The following ATP8B1 variants were observed in gnomAD, a reference collection of about 807,000 sequenced individuals.
The protein encoded by ATP8B1 is ATPase phospholipid transporting 8B1.
Under a neutral mutation model 149.9 loss-of-function variants are expected in ATP8B1, and 80 were observed. That is an observed-to-expected ratio of 0.53 (90% CI 0.45 to 0.64). The LOEUF is 0.64. Ranked by LOEUF, ATP8B1 falls within the 30% of genes least tolerant of loss-of-function variation. The probability of loss-of-function intolerance (pLI) is 0.00; values close to 1 mark genes in which losing one functional copy is unlikely to be tolerated. For missense variants in ATP8B1, 1,247 were observed against 1,552.6 expected (o/e 0.80, Z 3.31); for synonymous variants, 536 against 562.8 (o/e 0.95, Z 0.67).
intron 2 of ATP8B1, 94 bp from the exon 3 acceptor site, chr18:57,706,681 T>C (rs1265870224): frequency 3.0e-5 from 29 of 977,442 alleles, no homozygotes; most frequent in African/African-American, 1.6e-5. Context: ...GTTGAAGTCC[T>C]AAACCTCCAT....
intron 2 of ATP8B1, among the ~76,000 whole-genome samples, chr18:57,724,971 AATC>A (rs1472574239): frequency 3.1e-4 from 37 of 117,816 alleles, no homozygotes; most frequent in Non-Finnish European, 2.7e-4. Context: ...TGAAATTGGA[AATC>A]ATCATTCTCA....
chr18:57,760,376 T>C (rs1181486394), intron 1 of ATP8B1, among the ~76,000 whole-genome samples: 3 of 152,234 alleles, frequency 2.0e-5, no homozygotes, highest in Non-Finnish European at 4.4e-5. Context: ...GGAAAGGGCC[T>C]GTCCCTAAGA....
At chr18:57,738,758 G>A (rs2079883376) in intron 1 of ATP8B1, among the ~76,000 whole-genome samples, 1 of 151,904 alleles carries the variant, frequency 6.6e-6, no homozygotes, top group South Asian at 2.1e-4. Flanking sequence ...CCCTGGAAAT[G>A]CTGCGAGATC....
At chr18:57,775,318 A>G (rs565281626) in intron 1 of ATP8B1, among the ~76,000 whole-genome samples, 26 of 151,998 alleles carry the variant, frequency 1.7e-4, no homozygotes, top group Non-Finnish European at 3.7e-4. Flanking sequence ...CCTGTCTCAA[A>G]AAAAGAAAAG....
At chr18:57,727,919 G>T (rs530260742) in intron 2 of ATP8B1, among the ~76,000 whole-genome samples, 1 of 152,090 alleles carries the variant, frequency 6.6e-6, no homozygotes, top group East Asian at 1.9e-4. Flanking sequence ...AAACATTCCC[G>T]CTCATTTCTG....
At chr18:57,665,160 C>A (rs985981160) in intron 20 of ATP8B1, among the ~76,000 whole-genome samples, 5 of 151,700 alleles carry the variant, frequency 3.3e-5, no homozygotes, top group African/African-American at 9.7e-5. Context: ...ATCTAGTATC[C>A]CTTTTCCACA....
At chr18:57,684,521 A>G (rs1042742451) in intron 14 of ATP8B1, among the ~76,000 whole-genome samples, 4 of 151,914 alleles carry the variant, frequency 2.6e-5, no homozygotes, top group African/African-American at 4.8e-5. Flanking sequence ...GCACCACCAT[A>G]CCTGGCTAAT....
intron 26 of ATP8B1, among the ~76,000 whole-genome samples, chr18:57,651,251 G>A (rs944286592): frequency 6.6e-6 from 1 of 152,084 alleles, no homozygotes; most frequent in Admixed American, 6.6e-5. Flanking sequence ...GACTACAGGT[G>A]TGCGCCACCA....
chr18:57,716,639 T>C (rs1358135040), intron 2 of ATP8B1, among the ~76,000 whole-genome samples: 1 of 152,140 alleles, frequency 6.6e-6, no homozygotes, highest in Non-Finnish European at 1.5e-5. Flanking sequence ...TATAATAGTT[T>C]TAAATATTTA....
intron 10 of ATP8B1, 110 bp downstream of exon 10, chr18:57,695,061 T>C (rs1229629421): frequency 1.2e-5 from 8 of 641,778 alleles, no homozygotes; most frequent in Non-Finnish European, 7.9e-6. Flanking sequence ...AAAAAGCTCA[T>C]GATGCTATTA....
chr18:57,794,802 A>C (rs1366541593), intron 1 of ATP8B1, among the ~76,000 whole-genome samples: 1 of 150,520 alleles, frequency 6.6e-6, no homozygotes, highest in Non-Finnish European at 1.5e-5. Flanking sequence ...AAAAGAAAGA[A>C]AGAAAGAAAG....
chr18:57,711,339 A>G (rs574969115), intron 2 of ATP8B1, among the ~76,000 whole-genome samples: 2 of 152,350 alleles, frequency 1.3e-5, no homozygotes, highest in African/African-American at 4.8e-5. Flanking sequence ...GACCCCATAA[A>G]TATGGTAGGA....
chr18:57,697,764 G>A (rs1391616584), intron 7 of ATP8B1, 31 bp downstream of exon 7: 2 of 1,612,356 alleles, frequency 1.2e-6, no homozygotes, highest in Admixed American at 1.7e-5. Context: ...GGGAGAACAA[G>A]GAACAAGAGA....
intron 4 of ATP8B1, among the ~76,000 whole-genome samples, chr18:57,703,769 G>GA (rs1004402397): frequency 1.3e-4 from 20 of 151,676 alleles, no homozygotes; most frequent in African/African-American, 4.6e-4. Flanking sequence ...CCACAATTAG[G>GA]AAAAAAAATT....
At chr18:57,649,797 C>T (rs1254603992) in intron 27 of ATP8B1, among the ~76,000 whole-genome samples, 1 of 152,148 alleles carries the variant, frequency 6.6e-6, no homozygotes, top group Non-Finnish European at 1.5e-5. Flanking sequence ...ACTGATAGGT[C>T]AGGAAGTGAT....
At chr18:57,767,536 C>A (rs1171444334) in intron 1 of ATP8B1, among the ~76,000 whole-genome samples, 2 of 152,064 alleles carry the variant, frequency 1.3e-5, no homozygotes, top group Admixed American at 6.6e-5. Context: ...GCCTGTAATG[C>A]CAGCACTTGG....
chr18:57,700,763 A>G (rs1380568947), intron 6 of ATP8B1, among the ~76,000 whole-genome samples: 1 of 152,158 alleles, frequency 6.6e-6, no homozygotes, highest in Non-Finnish European at 1.5e-5. Flanking sequence ...TACTAAAAGT[A>G]CAAAATTAGC....
intron 1 of ATP8B1, among the ~76,000 whole-genome samples, chr18:57,732,783 G>A (rs1003046136): frequency 1.3e-5 from 2 of 152,012 alleles, no homozygotes; most frequent in East Asian, 1.9e-4. Flanking sequence ...GGATGGTCTC[G>A]AACTCCTGAC....
intron 24 of ATP8B1, among the ~76,000 whole-genome samples, chr18:57,653,047 T>A (rs1909733447): frequency 6.6e-6 from 1 of 152,186 alleles, no homozygotes; most frequent in Admixed American, 6.5e-5. Context: ...CCTGAGTGAA[T>A]ATATATTGTT....
Sources: gnomAD v4.1 joint callset for allele counts (sites outside exome capture counted in the v4.1 genomes callset) on GRCh38, gnomAD v4.1.1 for gene constraint, MANE v1.5 for transcripts, NCBI Gene and HGNC (gene_info 2026-07-23, HGNC 2026-07-21) for gene names.